Variants in KAZN observed in about 807,000 individuals in gnomAD.
The protein encoded by KAZN is kazrin.
Under a neutral mutation model 87.4 loss-of-function variants are expected in KAZN, and 40 were observed. The observed-to-expected ratio is 0.46, with a 90% CI of 0.36 to 0.60. The LOEUF (loss-of-function observed/expected upper bound fraction) is 0.60. Ranked by LOEUF, KAZN falls within the 20% of genes least tolerant of loss-of-function variation. The pLI is 0.00. For synonymous variants in KAZN, 466 were observed against 458.3 expected (o/e 1.02, Z -0.22); for missense variants, 898 against 1,073.9 (o/e 0.84, Z 2.29).
rs147928334 is a variant in KAZN, at chr1:14,943,328, G to A, written c.227-17356G>A. On this transcript the variant is annotated intron_variant, in intron 1 of 14. Coordinates refer to ENST00000376030, the MANE Select transcript of KAZN (RefSeq NM_201628.3). ...AATAGTGCCCAAGCCTCCAGATTAG[G>A]ATTGCAGGATCACTTCCTCAGCAGT... is the stretch of plus-strand genomic sequence containing the variant. Among the ~76,000 whole-genome samples, 242 of 152,066 alleles carry A rather than the reference G, an allele frequency of 1.6e-3. 1 individual carries two copies. The East Asian group carries it at 0.029, about 18-fold the overall frequency.
At chr1:14,425,893 T>G (rs934970781) in intron 2 of KAZN, among the ~76,000 whole-genome samples, 3 of 152,184 alleles carry the variant, frequency 2.0e-5, no homozygotes, top group East Asian at 1.9e-4. Context: ...AGAGCCCAGG[T>G]GCACTCAACA....
chr1:14,050,356 A>G (rs1642276801), intron 1 of KAZN, among the ~76,000 whole-genome samples: 1 of 152,176 alleles, frequency 6.6e-6, no homozygotes, highest in Non-Finnish European at 1.5e-5. Context: ...CTGTTTTCAA[A>G]CTGCTGTAAA....
intron 1 of KAZN, among the ~76,000 whole-genome samples, chr1:14,945,108 C>CCAT (rs1175895359): frequency 6.6e-6 from 1 of 152,208 alleles, no homozygotes; most frequent in African/African-American, 2.4e-5. Flanking sequence ...CTTAGTTTCC[C>CCAT]CATCTGTCAA....
At chr1:14,265,049 C>T (rs1651366388) in intron 2 of KAZN, among the ~76,000 whole-genome samples, 1 of 152,168 alleles carries the variant, frequency 6.6e-6, no homozygotes, top group Admixed American at 6.5e-5. Context: ...AACATTCTCT[C>T]CTAAGTCTTA....
chr1:14,871,649 A>AGTGTGTGT (rs3033520), intron 1 of KAZN, among the ~76,000 whole-genome samples: 38,159 of 144,350 alleles, frequency 0.26, 5,414 homozygotes, highest in Non-Finnish European at 0.33. Flanking sequence ...CATGAGCAGC[A>AGTGTGTGT]GTGTGTGTGT....
rs141626012 is a variant in KAZN, at chr1:14,735,139, G to A, written c.226+135916G>A. Among the ~76,000 whole-genome samples the A allele has an allele frequency of 1.6e-4, 25 of 152,134 alleles. 1 individual carries two copies. The highest frequency in any genetic ancestry group is 5.5e-4 in the African/African-American group (23 of 41,502). ...TAGTGGCGCTATCTCGGCTCACTGCGAGCTCCGCCTCCCGGGTTCACTCCA... is the reference window on the plus strand; with the variant it reads ...TAGTGGCGCTATCTCGGCTCACTGCAAGCTCCGCCTCCCGGGTTCACTCCA... On this transcript the variant is annotated intron_variant, in intron 1 of 14. Coordinates refer to ENST00000376030, the MANE Select transcript of KAZN (RefSeq NM_201628.3). The surrounding 1 kb of genome is among the most constrained non-coding windows in gnomAD (Gnocchi z 4.3).
At chr1:14,234,691 T>A (rs1224883672) in intron 2 of KAZN, among the ~76,000 whole-genome samples, 4 of 152,092 alleles carry the variant, frequency 2.6e-5, no homozygotes, top group Non-Finnish European at 5.9e-5. Flanking sequence ...GGTAGCAGAG[T>A]CAATGACAAG....
intron 2 of KAZN, among the ~76,000 whole-genome samples, chr1:14,530,528 C>T (rs984670287): frequency 6.6e-5 from 10 of 152,130 alleles, no homozygotes; most frequent in African/African-American, 1.2e-4. Context: ...GCAAATTCCT[C>T]ATGAATGCCT....
chr1:14,499,391 G>A (rs1670117162), intron 2 of KAZN, among the ~76,000 whole-genome samples: 1 of 152,212 alleles, frequency 6.6e-6, no homozygotes, highest in African/African-American at 2.4e-5. Context: ...GGAGAAGGCT[G>A]CCTTGAGGCT....
chr1:14,943,030 GT>G (rs1661306576), intron 1 of KAZN, among the ~76,000 whole-genome samples: 2 of 141,104 alleles, frequency 1.4e-5, no homozygotes, highest in African/African-American at 6.0e-5. Context: ...GTGTGTGTGT[GT>G]GTGTGTGTGT....
chr1:14,348,124 C>T (rs567689524), intron 2 of KAZN, among the ~76,000 whole-genome samples: 50 of 149,988 alleles, frequency 3.3e-4, no homozygotes, highest in African/African-American at 1.0e-3. Context: ...CATCTCAGCT[C>T]GCTGCAACCT....
intron 2 of KAZN, among the ~76,000 whole-genome samples, chr1:14,333,744 A>T (rs910010531): frequency 3.3e-5 from 5 of 152,150 alleles, no homozygotes; most frequent in Admixed American, 3.3e-4. Context: ...CGCTTGTTAA[A>T]TAAGGTGGGT....
At chr1:14,609,606 ACC>A (rs1677652003) in intron 1 of KAZN, among the ~76,000 whole-genome samples, 1 of 152,182 alleles carries the variant, frequency 6.6e-6, no homozygotes, top group Admixed American at 6.5e-5. Flanking sequence ...GATGCTCAGC[ACC>A]CTTTTTTCAG....
intron 1 of KAZN, among the ~76,000 whole-genome samples, chr1:14,874,631 C>A (rs1291477112): frequency 6.6e-6 from 1 of 152,192 alleles, no homozygotes; most frequent in Non-Finnish European, 1.5e-5. Flanking sequence ...CCTGACACTC[C>A]GTGTGCCAGA....
At chr1:14,862,832 C>T (rs1339169554) in intron 1 of KAZN, among the ~76,000 whole-genome samples, 1 of 152,196 alleles carries the variant, frequency 6.6e-6, no homozygotes, top group East Asian at 1.9e-4. Flanking sequence ...TTATCACTGG[C>T]ACAATTCATG....
intron 1 of KAZN, among the ~76,000 whole-genome samples, chr1:14,729,643 G>A (rs1169306098): frequency 6.6e-6 from 1 of 152,144 alleles, no homozygotes; most frequent in Non-Finnish European, 1.5e-5. Context: ...ATCAGGCCAA[G>A]CTGAGGGTTC....
chr1:14,795,180 T>C (rs1404347053), intron 1 of KAZN, among the ~76,000 whole-genome samples: 1 of 152,154 alleles, frequency 6.6e-6, no homozygotes, highest in Non-Finnish European at 1.5e-5. Context: ...TGTGATCACG[T>C]AAGTCCGTTC....
chr1:13,935,470 A>G (rs930372750), intron 1 of KAZN, among the ~76,000 whole-genome samples: 5 of 152,156 alleles, frequency 3.3e-5, no homozygotes, highest in African/African-American at 7.2e-5. Context: ...CTGCTGTGCT[A>G]TGCTGCCACC....
chr1:14,660,654 A>G (rs566760088), intron 1 of KAZN, among the ~76,000 whole-genome samples: 2 of 141,132 alleles, frequency 1.4e-5, no homozygotes, highest in South Asian at 2.3e-4. Flanking sequence ...TTTCACTGCT[A>G]TGATCTATCT....
Sources: allele counts gnomAD v4.1 joint callset (sites outside exome capture counted in the v4.1 genomes callset), GRCh38; gene constraint gnomAD v4.1.1; non-coding constraint Gnocchi (gnomAD v3.1); transcripts MANE v1.5; gene names NCBI Gene and HGNC (gene_info 2026-07-23, HGNC 2026-07-21).